SNTG1: variants seen among roughly 807,000 people sequenced by gnomAD.
SNTG1 encodes the protein gamma-1-syntrophin.
SNTG1 carries 39 observed loss-of-function variants against 74.7 expected under a neutral mutation model. The observed-to-expected ratio is 0.52, with a 90% CI of 0.40 to 0.68. The LOEUF (loss-of-function observed/expected upper bound fraction) is 0.68, where lower values mean the gene tolerates loss of function less well. SNTG1 is among the 30% of genes least tolerant of loss of function. The probability of loss-of-function intolerance (pLI) is 0.00; values close to 1 mark genes in which losing one functional copy is unlikely to be tolerated. For synonymous variants in SNTG1, 254 were observed against 217.1 expected (o/e 1.17, Z -1.49); for missense variants, 685 against 609.5 (o/e 1.12, Z -1.30).
intron 2 of SNTG1, among the ~76,000 whole-genome samples, chr8:50,374,312 A>G (rs565371162): frequency 3.3e-5 from 5 of 152,326 alleles, no homozygotes; most frequent in Admixed American, 1.3e-4. Flanking sequence ...CAAGGTTGCT[A>G]TTTTTGGAGT....
At chr8:50,535,898 A>G (rs2094303785) in intron 10 of SNTG1, among the ~76,000 whole-genome samples, 1 of 152,198 alleles carries the variant, frequency 6.6e-6, no homozygotes, top group Non-Finnish European at 1.5e-5. Context: ...AACCCATGCC[A>G]ATTTAAATAT....
At chr8:50,729,633 T>C (rs1312280283) in intron 17 of SNTG1, among the ~76,000 whole-genome samples, 1 of 152,170 alleles carries the variant, frequency 6.6e-6, no homozygotes, top group Admixed American at 6.5e-5. Flanking sequence ...TAGCATGAGC[T>C]ATGCTAGTTT....
rs1385837176 is a variant in SNTG1, at chr8:50,583,714, C to T, written c.811-7165C>T. Reference sequence around the variant, plus strand: ...TGTAAGTAAATAGCAAAATGCTGAGCTTTTTTTTTTTTTTCTGCTAGAGGT... The same window carrying T: ...TGTAAGTAAATAGCAAAATGCTGAGTTTTTTTTTTTTTTTCTGCTAGAGGT... On this transcript the variant is annotated intron_variant, in intron 12 of 18. Coordinates refer to ENST00000642720, the MANE Select transcript of SNTG1 (RefSeq NM_018967.5). 2.2e-4 allele frequency among the ~76,000 whole-genome samples: 32 copies of T among 143,610 alleles called. 1 individual carries two copies. Among genetic ancestry groups the T allele is most frequent in the Admixed American group, 1.2e-3 (17 of 14,496 alleles). The allele number at this position is 143,610 out of a possible 152,430, so 94.2% of individuals were successfully genotyped here.
chr8:50,115,567 C>CAAAAAAA (rs11386539), intron 1 of SNTG1, among the ~76,000 whole-genome samples: 5 of 40,530 alleles, frequency 1.2e-4, no homozygotes, highest in African/African-American at 3.3e-4. Flanking sequence ...GACTCTGTCT[C>CAAAAAAA]AAAAAAAAAA....
At chr8:50,723,462 T>G (rs2095492526) in intron 17 of SNTG1, among the ~76,000 whole-genome samples, 1 of 152,108 alleles carries the variant, frequency 6.6e-6, no homozygotes, top group Admixed American at 6.6e-5. Context: ...TACTGGCTGT[T>G]TTCACCATGC....
intron 1 of SNTG1, among the ~76,000 whole-genome samples, chr8:50,103,917 G>T (rs2080256497): frequency 6.6e-6 from 1 of 152,192 alleles, no homozygotes; most frequent in Non-Finnish European, 1.5e-5. Context: ...AAGCCCACTT[G>T]ATCATGCTGG....
At chr8:50,244,988 AT>A (rs2086328840) in intron 2 of SNTG1, among the ~76,000 whole-genome samples, 2 of 152,128 alleles carry the variant, frequency 1.3e-5, no homozygotes, top group Non-Finnish European at 2.9e-5. Flanking sequence ...AGTAAATGCC[AT>A]TTTTACATTT....
chr8:50,138,646 T>TAAA (rs1176762389), intron 1 of SNTG1, among the ~76,000 whole-genome samples: 2 of 147,810 alleles, frequency 1.4e-5, no homozygotes, highest in East Asian at 3.9e-4. Context: ...ATAATAATAA[T>TAAA]AATAATAATA....
chr8:49,936,036 A>G (rs1808051895), intron 1 of SNTG1, among the ~76,000 whole-genome samples: 1 of 152,224 alleles, frequency 6.6e-6, no homozygotes, highest in Non-Finnish European at 1.5e-5. Context: ...ATTAAAGTTG[A>G]AACTAAAAAT....
rs187529438 is a variant in SNTG1 at position 50,554,455 on chromosome 8, G to A, written c.810+1276G>A. Among the ~76,000 whole-genome samples the A allele has an allele frequency of 4.2e-3, 641 of 151,254 alleles. 9 individuals carry two copies. Among genetic ancestry groups the A allele is most frequent in the African/African-American group, 0.014 (580 of 41,148 alleles). ...TGATACATGTGGAAATGTGCTTCCA[G>A]TGTGAATAAAAACAGATTTTCCTTT... On this transcript the variant is annotated intron_variant, in intron 12 of 18. Transcript: ENST00000642720.
intron 1 of SNTG1, among the ~76,000 whole-genome samples, chr8:50,098,695 AT>A (rs138198003): frequency 0.012 from 1,765 of 152,328 alleles, 5 homozygotes; most frequent in Non-Finnish European, 0.017. Flanking sequence ...AATGAGATCC[AT>A]ATAAGATGTG....
chr8:50,653,792 A>C lies in SNTG1; in HGVS notation c.850-3117A>C, dbSNP rs548583121. ...TTTGGATACTTTTCAAGGATCTAGA[A>C]GGTCAAAACTATTTTCATAATAAAA... On this transcript the variant is annotated intron_variant, in intron 13 of 18. Transcript: ENST00000642720. 2.6e-5 allele frequency among the ~76,000 whole-genome samples: 4 copies of C among 152,188 alleles called. No individual in the cohort carries two copies. In the South Asian group the frequency reaches 8.3e-4, roughly 31 times the overall value.
chr8:50,753,705 C>G (rs2095573271), intron 18 of SNTG1, among the ~76,000 whole-genome samples: 1 of 151,642 alleles, frequency 6.6e-6, no homozygotes, highest in Admixed American at 6.6e-5. Flanking sequence ...TAAGCTTTCT[C>G]TCATATGTAA....
At chr8:50,369,400 G>A (rs1419401167) in intron 2 of SNTG1, among the ~76,000 whole-genome samples, 4 of 151,990 alleles carry the variant, frequency 2.6e-5, no homozygotes. Flanking sequence ...AGTTCGAGAC[G>A]AGCCTGACCA....
intron 1 of SNTG1, among the ~76,000 whole-genome samples, chr8:50,115,337 T>C (rs1482121905): frequency 6.6e-6 from 1 of 151,336 alleles, no homozygotes; most frequent in East Asian, 2.0e-4. Flanking sequence ...GAGGCCGAGG[T>C]GGGTGGATCA....
At chr8:50,537,085 G>C (rs1039181915) in intron 11 of SNTG1, among the ~76,000 whole-genome samples, 1 of 152,058 alleles carries the variant, frequency 6.6e-6, no homozygotes, top group African/African-American at 2.4e-5. Flanking sequence ...TTTGTTAATT[G>C]TTTACTTCTC....
chr8:50,780,359 T>G (rs1489020250), intron 18 of SNTG1, among the ~76,000 whole-genome samples: 2 of 152,212 alleles, frequency 1.3e-5, no homozygotes, highest in African/African-American at 4.8e-5. Context: ...GGTAAGCTAT[T>G]GATTATTGCC....
chr8:50,227,866 GTT>G (rs2085414463), intron 2 of SNTG1, among the ~76,000 whole-genome samples: 1 of 142,780 alleles, frequency 7.0e-6, no homozygotes, highest in Non-Finnish European at 1.5e-5. Context: ...TTCATCTTTA[GTT>G]TATACTCAAT....
At chr8:50,281,446 C>T (rs540168677) in intron 2 of SNTG1, among the ~76,000 whole-genome samples, 7 of 152,212 alleles carry the variant, frequency 4.6e-5, no homozygotes, top group Admixed American at 1.3e-4. Flanking sequence ...TCTATCCACA[C>T]ATGAGCTGTT....
Sources: allele counts gnomAD v4.1 joint callset (sites outside exome capture counted in the v4.1 genomes callset), GRCh38; gene constraint gnomAD v4.1.1; transcripts MANE v1.5; gene names NCBI Gene and HGNC (gene_info 2026-07-23, HGNC 2026-07-21).